KCNQ1: variants seen among roughly 807,000 people sequenced by gnomAD.
KCNQ1 encodes the protein potassium voltage-gated channel subfamily Q member 1.
Under a neutral mutation model 72.4 loss-of-function variants are expected in KCNQ1, and 49 were observed. That is an observed-to-expected ratio of 0.68 (90% CI 0.54 to 0.86). The LOEUF (loss-of-function observed/expected upper bound fraction) is 0.86, where lower values mean the gene tolerates loss of function less well. Ranked by LOEUF, KCNQ1 falls within the 40% of genes least tolerant of loss-of-function variation. KCNQ1 has a pLI of 0.00. For missense variants in KCNQ1, 790 were observed against 945.1 expected (o/e 0.84, Z 2.15); for synonymous variants, 450 against 412.6 (o/e 1.09, Z -1.10).
In KCNQ1 at chr11:2,661,580, G is replaced by A; in HGVS notation, c.1394-381G>A. 1.8e-6 allele frequency: 1 copy of A among 559,464 alleles called. No individual in the cohort carries two copies. The highest frequency in any genetic ancestry group is 3.2e-6 in the Non-Finnish European group (1 of 314,870). The allele number at this position is 559,464 out of a possible 1,614,324, so 34.7% of individuals were successfully genotyped here. On this transcript the variant is annotated intron_variant, in intron 10 of 15. Coordinates refer to ENST00000155840, the MANE Select transcript of KCNQ1 (RefSeq NM_000218.3). This position sits in a 1 kb window ranked among gnomAD's most constrained non-coding sequence, Gnocchi z 5.9. ...TGAGTGTGACAATGTATGGTGGTGGGAGCTGTTGTCCCTTACCAGGCCTGT... is the reference window on the plus strand; with the variant it reads ...TGAGTGTGACAATGTATGGTGGTGGAAGCTGTTGTCCCTTACCAGGCCTGT...
chr11:2,662,649 T>G (rs1011488443), intron 11 of KCNQ1: 2 of 407,906 alleles, frequency 4.9e-6, no homozygotes, highest in Non-Finnish European at 8.7e-6. Flanking sequence ...ACGGTGTGAT[T>G]CCCCTGCGAC....
rs1213775953 is a variant in KCNQ1 at position 2,787,780 on chromosome 11, T to C, written c.1794+9743T>C. 1.3e-5 allele frequency among the ~76,000 whole-genome samples: 2 copies of C among 152,210 alleles called. No homozygotes were observed. Among genetic ancestry groups the C allele is most frequent in the Non-Finnish European group, 2.9e-5 (2 of 68,034 alleles). On this transcript the variant is annotated intron_variant, in intron 15 of 15. Coordinates refer to ENST00000155840, the MANE Select transcript of KCNQ1 (RefSeq NM_000218.3). The surrounding 1 kb of genome is among the most constrained non-coding windows in gnomAD (Gnocchi z 6.3). Reference sequence around the variant, plus strand: ...GGTCTGTATTTAGATTTCATAAAATTTACCATTGAAAAAGGAGATTCCCAT... The same window carrying C: ...GGTCTGTATTTAGATTTCATAAAATCTACCATTGAAAAAGGAGATTCCCAT...
chr11:2,788,962 G>A (rs1238147923), intron 15 of KCNQ1, among the ~76,000 whole-genome samples: 1 of 152,156 alleles, frequency 6.6e-6, no homozygotes, highest in African/African-American at 2.4e-5. Context: ...GGTTGAGTCT[G>A]CTCCCAGGGA....
In KCNQ1 at chr11:2,690,387, C is replaced by T; in HGVS notation, c.1514+28306C>T. 1 of 398,656 alleles carries T rather than the reference C, an allele frequency of 2.5e-6. No homozygotes were observed. 24.7% of individuals were successfully genotyped at this position (398,656 alleles called of 1,614,324 possible). On this transcript the variant is annotated intron_variant, in intron 11 of 15. Transcript: ENST00000155840. The surrounding 1 kb of genome is among the most constrained non-coding windows in gnomAD (Gnocchi z 5.1). ...TACTTGGCATGGAACATGTGCCAGA[C>T]CAAAAGAGCTATCTCTCTCCCTGCG...
chr11:2,751,520 G>C (rs1325174739), intron 11 of KCNQ1, among the ~76,000 whole-genome samples: 1 of 152,264 alleles, frequency 6.6e-6, no homozygotes, highest in Non-Finnish European at 1.5e-5. Context: ...TGGAGGGACA[G>C]TGCAGCTCCG....
chr11:2,542,729 G>T (rs923931474), intron 2 of KCNQ1, among the ~76,000 whole-genome samples: 2 of 152,178 alleles, frequency 1.3e-5, no homozygotes, highest in Non-Finnish European at 2.9e-5. Context: ...TTTATTGTCT[G>T]GTTCCATATT....
chr11:2,666,564 G>A (rs1367761167), intron 11 of KCNQ1: 5 of 398,532 alleles, frequency 1.3e-5, no homozygotes, highest in Non-Finnish European at 2.2e-5. Context: ...TTCTGCATTT[G>A]TCAGCAAGGA....
chr11:2,460,220 G>A (rs1237143340), intron 1 of KCNQ1, among the ~76,000 whole-genome samples: 1 of 152,202 alleles, frequency 6.6e-6, no homozygotes, highest in African/African-American at 2.4e-5. Flanking sequence ...GAGTCCCTGC[G>A]TGACCTGATT....
At chr11:2,551,088 C>G (rs2133693733) in intron 2 of KCNQ1, among the ~76,000 whole-genome samples, 1 of 152,256 alleles carries the variant, frequency 6.6e-6, no homozygotes, top group South Asian at 2.1e-4. Context: ...TTCTTATTTT[C>G]TAATTTCTTC....
intron 1 of KCNQ1, among the ~76,000 whole-genome samples, chr11:2,489,893 T>A (rs1447636507): frequency 6.6e-6 from 1 of 152,196 alleles, no homozygotes; most frequent in Non-Finnish European, 1.5e-5. Flanking sequence ...CTGTGGGCCT[T>A]GAATGAGATT....
At chr11:2,485,260 G>T (rs1846722549) in intron 1 of KCNQ1, among the ~76,000 whole-genome samples, 1 of 152,046 alleles carries the variant, frequency 6.6e-6, no homozygotes. Context: ...CTGTGTGAAG[G>T]GAATGTAAAG....
rs529617850 is a variant in KCNQ1, at chr11:2,651,567, C to T, written c.1394-10394C>T. ...GAGAACATGGATATTGTGTTCTTTA[C>T]CTCCATGTCTCCAGTGCCTGCCACA... is the stretch of plus-strand genomic sequence containing the variant. On this transcript the variant is annotated intron_variant, in intron 10 of 15. Coordinates refer to ENST00000155840, the MANE Select transcript of KCNQ1 (RefSeq NM_000218.3). This position sits in a 1 kb window ranked among gnomAD's most constrained non-coding sequence, Gnocchi z 6.1. 246 of 398,606 alleles carry T rather than the reference C, an allele frequency of 6.2e-4. No individual in the cohort carries two copies. Among genetic ancestry groups the T allele is most frequent in the African/African-American group, 4.8e-3 (234 of 48,748 alleles). The allele number at this position is 398,606 out of a possible 1,614,324, so 24.7% of individuals were successfully genotyped here.
rs1276868597 is a variant in KCNQ1 at position 2,559,054 on chromosome 11, G to A, written c.478-11574G>A. Among the ~76,000 whole-genome samples the A allele has an allele frequency of 3.9e-5, 6 of 151,954 alleles. No individual in the cohort carries two copies. The highest frequency in any genetic ancestry group is 7.3e-5 in the African/African-American group (3 of 41,352). ...AGTTTGCAGTTACTCCCAGAGCTAC[G>A]GACAAGGGGCAAGGTGGGGCTGGAG... On this transcript the variant is annotated intron_variant, in intron 2 of 15. Transcript: ENST00000155840. This position sits in a 1 kb window ranked among gnomAD's most constrained non-coding sequence, Gnocchi z 4.9.
intron 15 of KCNQ1, among the ~76,000 whole-genome samples, chr11:2,779,516 T>C (rs1846779292): frequency 6.6e-6 from 1 of 151,952 alleles, no homozygotes; most frequent in Non-Finnish European, 1.5e-5. Context: ...TGCAGGAGTG[T>C]CGGTGGCCCT....
intron 15 of KCNQ1, among the ~76,000 whole-genome samples, chr11:2,796,117 G>T (rs1276331321): frequency 1.3e-5 from 2 of 152,200 alleles, no homozygotes; most frequent in Middle Eastern, 3.2e-3. Context: ...GAAACCATTG[G>T]CTTATGGCGC....
intron 15 of KCNQ1, among the ~76,000 whole-genome samples, chr11:2,798,446 T>C (rs61869807): frequency 0.13 from 19,889 of 152,066 alleles, 1,442 homozygotes; most frequent in Middle Eastern, 0.2. Flanking sequence ...GGGGCCTCCT[T>C]ACTGGGGTCA....
chr11:2,632,145 TA>T, intron 10 of KCNQ1: 1 of 365,398 alleles, frequency 2.7e-6, no homozygotes, highest in Non-Finnish European at 4.6e-6. Flanking sequence ...ATCGCGCCAC[TA>T]CACTCTAGCC....
rs1450413442 is a variant in KCNQ1, at chr11:2,482,529, A to T, written c.386+37045A>T. Among the ~76,000 whole-genome samples, 7 of 152,168 alleles carry T rather than the reference A, an allele frequency of 4.6e-5. No individual in the cohort carries two copies. The highest frequency in any genetic ancestry group is 1.7e-4 in the African/African-American group (7 of 41,422). The stretch of plus-strand genomic sequence containing the variant: ...GTCACATTTGCAGGAGAAGACTGAC[A>T]GGATCAAAGGGTTCCTGCATTTTTA... On this transcript the variant is annotated intron_variant, in intron 1 of 15. Coordinates refer to ENST00000155840, the MANE Select transcript of KCNQ1 (RefSeq NM_000218.3). The surrounding 1 kb of genome is among the most constrained non-coding windows in gnomAD (Gnocchi z 5.7).
intron 11 of KCNQ1, chr11:2,688,851 G>A (rs1590033878): frequency 5.0e-6 from 2 of 399,044 alleles, no homozygotes; most frequent in East Asian, 7.1e-5. Context: ...CAGGTGGAGA[G>A]GGCTGGGCCA....
Sources: gnomAD v4.1 joint callset for allele counts (sites outside exome capture counted in the v4.1 genomes callset) on GRCh38, gnomAD v4.1.1 for gene constraint, Gnocchi (gnomAD v3.1) non-coding constraint, MANE v1.5 for transcripts, NCBI Gene and HGNC (gene_info 2026-07-23, HGNC 2026-07-21) for gene names.